Variants in MADD observed in about 807,000 individuals in gnomAD.
The protein encoded by MADD is MAP kinase activating death domain.
Under a neutral mutation model 176.7 loss-of-function variants are expected in MADD, and 109 were observed. The observed-to-expected ratio is 0.62, with a 90% CI of 0.53 to 0.72. MADD has a LOEUF of 0.72. MADD is among the 30% of genes least tolerant of loss of function. The pLI is 0.00. For missense variants in MADD, 1,914 were observed against 2,045.5 expected (o/e 0.94, Z 1.24); for synonymous variants, 771 against 771.3 (o/e 1.00, Z 0.01).
intron 30 of MADD, chr11:47,324,991 T>C (rs2095251623): frequency 3.5e-6 from 2 of 563,542 alleles, no homozygotes; most frequent in Non-Finnish European, 6.3e-6. Flanking sequence ...CTGGTGTGCG[T>C]GCAGCTTGCG....
chr11:47,304,516 C>T lies in MADD; in HGVS notation c.3643-4075C>T, dbSNP rs149107784. Among the ~76,000 whole-genome samples the T allele has an allele frequency of 2.4e-3, 366 of 152,270 alleles. 3 individuals carry two copies. The highest frequency in any genetic ancestry group is 8.6e-3 in the African/African-American group (358 of 41,552). On this transcript the variant is annotated intron_variant, in intron 22 of 32. Transcript: ENST00000402192. ...AAGTGTTGGGATTACAGGTGTGAGC[C>T]CCCACGCCTGGCCCTCTATTGTATT...
intron 26 of MADD, among the ~76,000 whole-genome samples, chr11:47,313,179 A>G (rs1195729949): frequency 2.0e-5 from 3 of 152,256 alleles, no homozygotes; most frequent in African/African-American, 4.8e-5. Flanking sequence ...AAGCTTCCCA[A>G]TATTTAAAGA....
At chr11:47,302,519 A>G (rs1358990727) in intron 22 of MADD, among the ~76,000 whole-genome samples, 2 of 152,080 alleles carry the variant, frequency 1.3e-5, no homozygotes, top group Admixed American at 1.3e-4. Flanking sequence ...GCCTCTTTTT[A>G]GTTTTTGACA....
rs762490453 is a variant in MADD at position 47,286,538 on chromosome 11, A to G, written c.2653+4A>G. 6.2e-7 allele frequency: 1 copy of G among 1,608,502 alleles called. No homozygotes were observed. The highest frequency in any genetic ancestry group is 1.1e-5 in the South Asian group (1 of 90,950). Reference sequence around the variant, plus strand: ...ACGCCCTTCCCCAGTCTGAAAGGTAACTACAGCCTTCCTTTTGCCAAGCCA... The same window carrying G: ...ACGCCCTTCCCCAGTCTGAAAGGTAGCTACAGCCTTCCTTTTGCCAAGCCA... On this transcript the variant is annotated splice_donor_region_variant and intron_variant, in intron 15 of 32. Coordinates refer to ENST00000402192, the Ensembl canonical transcript of MADD.
chr11:47,329,408 C>T (rs897899208), exon 33 of MADD: 9 of 499,746 alleles, frequency 1.8e-5, no homozygotes, highest in Non-Finnish European at 3.3e-5. Context: ...TCTGTGGGGC[C>T]GGTGTGAACC....
At chr11:47,326,244 C>T (rs2095447537) in intron 30 of MADD, among the ~76,000 whole-genome samples, 1 of 152,240 alleles carries the variant, frequency 6.6e-6, no homozygotes, top group African/African-American at 2.4e-5. Context: ...ATTATTATCA[C>T]CACATACCTC....
chr11:47,270,340 A>AG (rs1959178423), intron 1 of MADD, 94 bp downstream of exon 1: 1 of 127,542 alleles, frequency 7.8e-6, no homozygotes, highest in Admixed American at 8.4e-5. Context: ...TCTTGGAGGA[A>AG]GGGGTCTCTC....
exon 3 of MADD, chr11:47,274,924 C>T: frequency 1.2e-6 from 2 of 1,613,930 alleles, no homozygotes; most frequent in African/African-American, 1.3e-5. Context: ...TGGCTCATCC[C>T]TGCAGCCTCT....
Position 47,300,275 on chromosome 11 carries a change from C to T in MADD, c.3642+4220C>T, listed in dbSNP as rs1487861309. On this transcript the variant is annotated intron_variant, in intron 22 of 32. Coordinates refer to ENST00000402192, the Ensembl canonical transcript of MADD. ...AGGCTGGAGTGCAGTTGTGCGATCT[C>T]GGCTCACTGCTACCCCCGCCTCCCG... Among the ~76,000 whole-genome samples the T allele has an allele frequency of 3.5e-5, 5 of 140,956 alleles. No individual in the cohort carries two copies. The East Asian group carries it at 8.5e-4, about 24-fold the overall frequency. 92.5% of individuals were successfully genotyped at this position (140,956 alleles called of 152,430 possible). A position where few individuals can be genotyped will look rare whatever the true frequency, so the allele number is the denominator to read the frequency against.
intron 27 of MADD, among the ~76,000 whole-genome samples, chr11:47,321,069 G>C (rs1265844567): frequency 1.3e-5 from 2 of 152,106 alleles, no homozygotes; most frequent in African/African-American, 4.8e-5. Context: ...GGTAGATTTT[G>C]CCAAATTGCC....
intron 22 of MADD, among the ~76,000 whole-genome samples, chr11:47,302,950 A>T (rs956315667): frequency 1.3e-5 from 2 of 151,864 alleles, no homozygotes; most frequent in African/African-American, 4.8e-5. Context: ...GTGTATTTTC[A>T]TGATAGTAAT....
intron 31 of MADD, 33 bp downstream of exon 35, chr11:47,326,840 T>G: frequency 6.2e-7 from 1 of 1,613,254 alleles, no homozygotes; most frequent in Non-Finnish European, 8.5e-7. Context: ...AGGTCTGGAC[T>G]CACATGGCAG....
chr11:47,323,871 G>A (rs138113980), intron 28 of MADD, 36 bp downstream of exon 31: 4 of 1,597,786 alleles, frequency 2.5e-6, no homozygotes, highest in Non-Finnish European at 3.4e-6. Context: ...GGGCTAGTAG[G>A]CATTGAAGAC....
chr11:47,284,027 T>G (rs1312931444), intron 10 of MADD, 151 bp from the exon 11 acceptor site: 2 of 626,952 alleles, frequency 3.2e-6, no homozygotes, highest in East Asian at 5.5e-5. Flanking sequence ...TCTTTATGCT[T>G]TGGTTGACTG....
chr11:47,273,354 CTT>C lies in MADD; in HGVS notation c.-88-472_-88-471del, dbSNP rs543038251. 2.9e-3 allele frequency among the ~76,000 whole-genome samples: 363 copies of C among 127,224 alleles called. 4 individuals carry two copies. Among genetic ancestry groups the C allele is most frequent in the African/African-American group, 0.011 (356 of 33,792 alleles). 83.5% of individuals were successfully genotyped at this position (127,224 alleles called of 152,430 possible). On this transcript the variant is annotated intron_variant, in intron 1 of 32. Transcript: ENST00000402192. Reference sequence around the variant, plus strand: ...TATTTATCTACATTTTTTTTTTTTTCTTGAGACGGAGTCTCACTCTGTCACCC... The same window carrying C: ...TATTTATCTACATTTTTTTTTTTTTCGAGACGGAGTCTCACTCTGTCACCC...
rs556935016 is a variant in MADD at position 47,294,280 on chromosome 11, G to A, written c.3402+297G>A. Among the ~76,000 whole-genome samples the A allele has an allele frequency of 4.0e-5, 6 of 151,812 alleles. No homozygotes were observed. In the East Asian group the frequency reaches 5.8e-4, roughly 15 times the overall value. ...AGGAGAAATGCTTTAACCGGTGGGC[G>A]GAGGTTGTGGTGAGCCGAGATTGTG... On this transcript the variant is annotated intron_variant, in intron 20 of 32. Transcript: ENST00000402192.
intron 26 of MADD, among the ~76,000 whole-genome samples, chr11:47,314,784 G>A (rs2092171786): frequency 1.3e-5 from 2 of 152,112 alleles, no homozygotes; most frequent in African/African-American, 4.8e-5. Flanking sequence ...CAATGCAGAG[G>A]CAGATAGGAG....
chr11:47,293,574 A>G (rs1356585932), intron 19 of MADD, among the ~76,000 whole-genome samples: 1 of 152,150 alleles, frequency 6.6e-6, no homozygotes, highest in African/African-American at 2.4e-5. Context: ...AAGTGCTGGG[A>G]TTACAGTCGT....
At chr11:47,295,944 C>T in exon 22 of MADD, 4 of 1,614,050 alleles carry the variant, frequency 2.5e-6, no homozygotes, top group Non-Finnish European at 3.4e-6. Context: ...GTGACTTGAG[C>T]AGCAATGCAG....
Sources: gnomAD v4.1 joint callset for allele counts (sites outside exome capture counted in the v4.1 genomes callset) on GRCh38, gnomAD v4.1.1 for gene constraint, MANE v1.5 for transcripts, NCBI Gene and HGNC (gene_info 2026-07-23, HGNC 2026-07-21) for gene names.